LRRTM4: variants seen among roughly 807,000 people sequenced by gnomAD.
LRRTM4 encodes leucine rich repeat transmembrane neuronal 4.
Under a neutral mutation model 47.6 loss-of-function variants are expected in LRRTM4, and 25 were observed. That is an observed-to-expected ratio of 0.53 (90% CI 0.38 to 0.73). The LOEUF is 0.73. Among genes scored for constraint, LRRTM4 ranks in the 30% least tolerant of loss-of-function variants. The pLI is 0.00. For missense variants in LRRTM4, 638 were observed against 713.4 expected (o/e 0.89, Z 1.20); for synonymous variants, 311 against 269.5 (o/e 1.15, Z -1.51).
chr2:77,079,015 T>C (rs1441171894), intron 3 of LRRTM4, among the ~76,000 whole-genome samples: 2 of 152,164 alleles, frequency 1.3e-5, no homozygotes, highest in East Asian at 3.9e-4. Flanking sequence ...TGCATTCATA[T>C]AAGGACTAAG....
chr2:76,753,673 ATAGAGGACTATGTGGAGTTT>A (rs762701814), intron 3 of LRRTM4, among the ~76,000 whole-genome samples: 3 of 152,154 alleles, frequency 2.0e-5, no homozygotes, highest in Non-Finnish European at 4.4e-5. Context: ...CAGGGTAATT[ATAGAGGACTATGTGGAGTTT>A]CACAATCTGA....
intron 3 of LRRTM4, among the ~76,000 whole-genome samples, chr2:77,401,050 C>T (rs939461709): frequency 7.2e-5 from 11 of 151,970 alleles, no homozygotes; most frequent in Non-Finnish European, 1.6e-4. Context: ...ATTGCAACAG[C>T]GACTATATGG....
At chr2:76,976,204 T>C (rs1292091200) in intron 3 of LRRTM4, among the ~76,000 whole-genome samples, 1 of 151,840 alleles carries the variant, frequency 6.6e-6, no homozygotes, top group Admixed American at 6.6e-5. Context: ...TGCTTGCTTA[T>C]CGTGTCATTA....
chr2:76,811,337 T>C (rs963845515), intron 3 of LRRTM4, among the ~76,000 whole-genome samples: 6 of 152,188 alleles, frequency 3.9e-5, no homozygotes, highest in African/African-American at 1.4e-4. Context: ...AATTATGTAG[T>C]TGCTACAAAG....
intron 3 of LRRTM4, among the ~76,000 whole-genome samples, chr2:77,150,365 A>T (rs973341616): frequency 8.5e-5 from 13 of 152,208 alleles, no homozygotes; most frequent in Non-Finnish European, 1.5e-4. Context: ...TTTAACAAGG[A>T]GAATTATTTG....
At chr2:77,307,326 C>T (rs1424440535) in intron 3 of LRRTM4, among the ~76,000 whole-genome samples, 1 of 151,276 alleles carries the variant, frequency 6.6e-6, no homozygotes, top group East Asian at 1.9e-4. Context: ...TTCAGCTGTG[C>T]TTTTCTCATT....
At position 77,366,001 on chromosome 2, in the gene LRRTM4, T is replaced by G. The variant is rs375231724; in HGVS notation, c.1551+152317A>C. ...CTACTTCTTGGTAGAATAGTAATTATAGACACTTGATAGATATAAGGGAAA... is the reference window on the plus strand; with the variant it reads ...CTACTTCTTGGTAGAATAGTAATTAGAGACACTTGATAGATATAAGGGAAA... On this transcript the variant is annotated intron_variant, in intron 3 of 3. Transcript: ENST00000409884. Among the ~76,000 whole-genome samples the G allele has an allele frequency of 2.0e-5, 3 of 151,122 alleles. No homozygotes were observed. The South Asian group carries it at 6.2e-4, about 31-fold the overall frequency.
chr2:77,337,826 G>A (rs1467152416), intron 3 of LRRTM4, among the ~76,000 whole-genome samples: 5 of 152,038 alleles, frequency 3.3e-5, no homozygotes, highest in Non-Finnish European at 7.4e-5. Flanking sequence ...AACAAAGTCG[G>A]AGGCATCACT....
chr2:76,962,157 A>C (rs1229399619), intron 3 of LRRTM4, among the ~76,000 whole-genome samples: 1 of 151,312 alleles, frequency 6.6e-6, no homozygotes, highest in Non-Finnish European at 1.5e-5. Context: ...ACACACTTTA[A>C]ATGGTAGGTC....
chr2:77,422,528 C>G (rs1249721512), intron 3 of LRRTM4, among the ~76,000 whole-genome samples: 1 of 152,128 alleles, frequency 6.6e-6, no homozygotes, highest in Non-Finnish European at 1.5e-5. Context: ...TGTGACACAT[C>G]AACCATTTGC....
intron 3 of LRRTM4, among the ~76,000 whole-genome samples, chr2:76,863,691 A>G (rs17013259): frequency 0.025 from 3,868 of 152,298 alleles, 163 homozygotes; most frequent in African/African-American, 0.08. Flanking sequence ...AATATTCAAT[A>G]GATGCTACTT....
intron 3 of LRRTM4, among the ~76,000 whole-genome samples, chr2:77,311,011 A>G (rs1490949539): frequency 2.6e-5 from 4 of 151,746 alleles, no homozygotes; most frequent in Non-Finnish European, 5.9e-5. Context: ...TAGAGAGAGA[A>G]TATTATGTGT....
chr2:77,316,299 C>T (rs114927205), intron 3 of LRRTM4, among the ~76,000 whole-genome samples: 4,963 of 152,022 alleles, frequency 0.033, 99 homozygotes, highest in Non-Finnish European at 0.047. Flanking sequence ...CTCAGCAAGC[C>T]TGAGAATTAA....
intron 3 of LRRTM4, among the ~76,000 whole-genome samples, chr2:76,816,404 T>G (rs1670896347): frequency 6.6e-6 from 1 of 151,930 alleles, no homozygotes. Context: ...TATCCAAATA[T>G]CTACTCAACG....
At chr2:77,478,201 T>G (rs1489312035) in intron 3 of LRRTM4, among the ~76,000 whole-genome samples, 1 of 152,218 alleles carries the variant, frequency 6.6e-6, no homozygotes, top group South Asian at 2.1e-4. Context: ...GATCAGAACT[T>G]GTTTGGAGAC....
At chr2:77,073,636 C>T (rs1680236524) in intron 3 of LRRTM4, among the ~76,000 whole-genome samples, 1 of 151,980 alleles carries the variant, frequency 6.6e-6, no homozygotes, top group Admixed American at 6.6e-5. Flanking sequence ...TTCATTTTTT[C>T]CATAATCTTC....
intron 3 of LRRTM4, among the ~76,000 whole-genome samples, chr2:77,332,947 G>A (rs1671023102): frequency 6.6e-6 from 1 of 152,156 alleles, no homozygotes; most frequent in Admixed American, 6.5e-5. Context: ...GGAACTAGGT[G>A]GGAGGTGATT....
intron 3 of LRRTM4, among the ~76,000 whole-genome samples, chr2:76,964,517 AG>A (rs1383101716): frequency 6.6e-6 from 1 of 150,888 alleles, no homozygotes; most frequent in Non-Finnish European, 1.5e-5. Context: ...TCCTAAGTAA[AG>A]CTCAATAATT....
At chr2:77,517,047 G>C in intron 3 of LRRTM4, 2 of 984,894 alleles carry the variant, frequency 2.0e-6, no homozygotes. Flanking sequence ...TATATTGCCA[G>C]AATTTAACCT....
Sources: gnomAD v4.1 joint callset for allele counts (sites outside exome capture counted in the v4.1 genomes callset) on GRCh38, gnomAD v4.1.1 for gene constraint, MANE v1.5 for transcripts, NCBI Gene and HGNC (gene_info 2026-07-23, HGNC 2026-07-21) for gene names.